The following P2RY12 variants were observed in gnomAD, a reference collection of about 807,000 sequenced individuals.
P2RY12 encodes purinergic receptor P2Y12.
P2RY12 carries 3 observed loss-of-function variants against 4.5 expected under a neutral mutation model. The ratio of observed to expected loss-of-function variants is 0.67; its 90% CI spans 0.31 to 1.74. The LOEUF is 1.74. Among genes scored for constraint, P2RY12 ranks in the 40% most tolerant of loss-of-function variants. The probability of loss-of-function intolerance (pLI) is 0.09; values close to 1 mark genes in which losing one functional copy is unlikely to be tolerated. For missense variants in P2RY12, 356 were observed against 407.8 expected, an observed-to-expected ratio of 0.87 and a Z score of 1.09; for synonymous variants, 148 against 154.1, an observed-to-expected ratio of 0.96 and a Z score of 0.29.
intron 1 of P2RY12, among the ~76,000 whole-genome samples, chr3:151,382,961 A>G (rs749418736): frequency 1.4e-4 from 22 of 152,124 alleles, no homozygotes; most frequent in Admixed American, 3.3e-4. Flanking sequence ...TAGGTATTTT[A>G]AGCATAGATT....
chr3:151,366,738 A>G (rs529976228), intron 1 of P2RY12, among the ~76,000 whole-genome samples: 6 of 152,256 alleles, frequency 3.9e-5, no homozygotes, highest in Non-Finnish European at 7.4e-5. Context: ...GGATAATCCT[A>G]TCTCTATATC....
intron 1 of P2RY12, chr3:151,376,341 T>A: frequency 1.3e-6 from 1 of 750,010 alleles, no homozygotes; most frequent in Non-Finnish European, 2.0e-6. Context: ...TTCCCACACA[T>A]TTTCTGTGGA....
At chr3:151,352,588 G>A (rs1164529630) in intron 1 of P2RY12, among the ~76,000 whole-genome samples, 4 of 152,186 alleles carry the variant, frequency 2.6e-5, no homozygotes, top group Admixed American at 6.5e-5. Context: ...CAGACCTTGT[G>A]TTAGCATGTA....
chr3:151,352,330 G>A (rs1279057225), intron 1 of P2RY12, among the ~76,000 whole-genome samples: 2 of 152,136 alleles, frequency 1.3e-5, no homozygotes, highest in Non-Finnish European at 2.9e-5. Flanking sequence ...ACCTTTTTCA[G>A]TAAATAGAAA....
At chr3:151,368,760 ATTTTT>A (rs201834162) in intron 1 of P2RY12, among the ~76,000 whole-genome samples, 2 of 80,314 alleles carry the variant, frequency 2.5e-5, no homozygotes, top group Non-Finnish European at 2.6e-5. Context: ...ATGTCATTTC[ATTTTT>A]TTTTTTTTTT....
At position 151,338,619 on chromosome 3, in the gene P2RY12, G is replaced by C; in HGVS notation, c.227C>G (p.Thr76Ser). The C allele has an allele frequency of 6.2e-7, 1 of 1,613,988 alleles. No homozygotes were observed. The highest frequency in any genetic ancestry group is 8.5e-7 in the Non-Finnish European group (1 of 1,179,992). ...TVISDLLMILTFPFKILSDAK... is the reference protein window; with the variant it reads ...TVISDLLMILSFPFKILSDAK... ...ATCACTAAGAATTTTGAATGGAAAAGTCAGAATCATGAGAAGATCAGAAAT... is the reference window on the plus strand; with the variant it reads ...ATCACTAAGAATTTTGAATGGAAAACTCAGAATCATGAGAAGATCAGAAAT... The change falls in exon 3 of 3, where the codon ACT (threonine) becomes AGT (serine). Residue 76 changes from threonine to serine, a missense_variant. Coordinates refer to ENST00000302632, the MANE Select transcript of P2RY12 (RefSeq NM_022788.5).
Position 151,337,866 on chromosome 3 carries a change from C to G in P2RY12, c.980G>C (p.Arg327Thr), listed in dbSNP as rs1309279839. 6.2e-7 allele frequency: 1 copy of G among 1,613,150 alleles called. No individual in the cohort carries two copies. Reference sequence around the variant, plus strand: ...GTCACCACCATCCTGTTCTTTTTTCCTATTGTCCTGGGACAGAGATGTTGC... The same window carrying G: ...GTCACCACCATCCTGTTCTTTTTTCGTATTGTCCTGGGACAGAGATGTTGC... Reference protein sequence around the residue: ...NSATSLSQDNRKKEQDGGDPN... With the variant: ...NSATSLSQDNTKKEQDGGDPN... The change falls in exon 3 of 3, where the codon AGG becomes ACG. Residue 327 changes from arginine to threonine, a missense_variant. Transcript: ENST00000302632.
chr3:151,375,678 A>G (rs1278580862), intron 1 of P2RY12, among the ~76,000 whole-genome samples: 3 of 152,194 alleles, frequency 2.0e-5, no homozygotes, highest in African/African-American at 7.2e-5. Flanking sequence ...TGAAGAACGT[A>G]TATCTGATAG....
intron 1 of P2RY12, chr3:151,372,901 T>C: frequency 1.6e-6 from 1 of 637,970 alleles, no homozygotes; most frequent in Non-Finnish European, 2.6e-6. Context: ...AATTTTAAGT[T>C]TGCTGAAAAG....
intron 1 of P2RY12, among the ~76,000 whole-genome samples, chr3:151,351,783 G>A (rs1384696398): frequency 2.0e-5 from 3 of 152,166 alleles, no homozygotes; most frequent in Non-Finnish European, 4.4e-5. Context: ...TAGAAGGCTT[G>A]AGGGGTATGG....
intron 1 of P2RY12, among the ~76,000 whole-genome samples, chr3:151,378,964 T>C (rs1711715095): frequency 6.6e-6 from 1 of 152,230 alleles, no homozygotes; most frequent in African/African-American, 2.4e-5. Flanking sequence ...TTATCTTCTT[T>C]ATATCATGTT....
chr3:151,383,852 T>A, intron 1 of P2RY12: 2 of 1,613,944 alleles, frequency 1.2e-6, no homozygotes, highest in Non-Finnish European at 8.5e-7. Context: ...CTCCTTCAGA[T>A]CATTACTTCA....
intron 1 of P2RY12, among the ~76,000 whole-genome samples, chr3:151,378,545 A>G (rs1046132055): frequency 4.6e-5 from 7 of 151,918 alleles, no homozygotes; most frequent in Non-Finnish European, 8.8e-5. Flanking sequence ...TATAATGTAT[A>G]ATTCTGGCAT....
In P2RY12 at chr3:151,338,538, A is replaced by G; in HGVS notation, c.308T>C (p.Ile103Thr). The change falls in exon 3 of 3, where the codon ATA becomes ACA. Residue 103 changes from isoleucine to threonine, a missense_variant. Physicochemically the swap from Ile to Thr is moderately conservative, Grantham distance 89 (BLOSUM62 -1). Transcript: ENST00000302632. ...RTFVCQVTSV[I>T]FYFTMYISIS... ...ACTGATATACATTGTGAAATAAAATATGACGGAGGTAACTTGACACACAAA... is the reference window on the plus strand; with the variant it reads ...ACTGATATACATTGTGAAATAAAATGTGACGGAGGTAACTTGACACACAAA... The G allele has an allele frequency of 1.2e-6, 2 of 1,614,054 alleles. No individual in the cohort carries two copies. The highest frequency in any genetic ancestry group is 1.7e-6 in the Non-Finnish European group (2 of 1,180,002).
At chr3:151,383,656 C>G in intron 1 of P2RY12, 1 of 619,420 alleles carries the variant, frequency 1.6e-6, no homozygotes, top group Non-Finnish European at 2.8e-6. Context: ...ATAAGGTAAT[C>G]TATAAACTAG....
At chr3:151,340,181 C>T (rs1751630915) in intron 2 of P2RY12, among the ~76,000 whole-genome samples, 1 of 152,086 alleles carries the variant, frequency 6.6e-6, no homozygotes, top group East Asian at 1.9e-4. Flanking sequence ...TGATTTTAAC[C>T]TTTCCTGCTA....
intron 1 of P2RY12, chr3:151,368,381 G>C (rs1052946025): frequency 2.4e-5 from 17 of 721,992 alleles, no homozygotes; most frequent in Non-Finnish European, 4.2e-5. Context: ...GTGATGAAGG[G>C]TGAGATGATA....
chr3:151,363,919 TTAGAA>T (rs1172260121), intron 1 of P2RY12, among the ~76,000 whole-genome samples: 5 of 152,094 alleles, frequency 3.3e-5, no homozygotes, highest in Non-Finnish European at 5.9e-5. Context: ...TGGCAATAGT[TTAGAA>T]TAGAGAGTCT....
At chr3:151,366,097 T>C in intron 1 of P2RY12, 1 of 990,292 alleles carries the variant, frequency 1.0e-6, no homozygotes, top group Non-Finnish European at 1.4e-6. Flanking sequence ...ACTGAAATGT[T>C]ATAAAATATT....
Sources: allele counts gnomAD v4.1 joint callset (sites outside exome capture counted in the v4.1 genomes callset), GRCh38; gene constraint gnomAD v4.1.1; transcripts MANE v1.5; gene names NCBI Gene and HGNC (gene_info 2026-07-23, HGNC 2026-07-21).